AGPAT3: variants seen among roughly 807,000 people sequenced by gnomAD.
AGPAT3 encodes 1-acylglycerol-3-phosphate O-acyltransferase 3, also known as 1-acyl-sn-glycerol-3-phosphate acyltransferase gamma.
AGPAT3 carries 5 observed loss-of-function variants against 47.3 expected under a neutral mutation model. The ratio of observed to expected loss-of-function variants is 0.11; its 90% CI spans 0.06 to 0.22. The LOEUF is 0.22. Among genes scored for constraint, AGPAT3 ranks in the 10% least tolerant of loss-of-function variants. The probability of loss-of-function intolerance (pLI) is 1.00; values close to 1 mark genes in which losing one functional copy is unlikely to be tolerated. For synonymous variants in AGPAT3, 212 were observed against 208.3 expected, an observed-to-expected ratio of 1.02 and a Z score of -0.15; for missense variants, 315 against 493.0, an observed-to-expected ratio of 0.64 and a Z score of 3.42.
At chr21:43,971,103 G>A (rs896876618) in intron 6 of AGPAT3, among the ~76,000 whole-genome samples, 21 of 152,100 alleles carry the variant, frequency 1.4e-4, no homozygotes, top group African/African-American at 4.6e-4. Context: ...AAAAGAAAGG[G>A]ACAAAGAACA....
chr21:43,921,468 C>T (rs764028652), intron 2 of AGPAT3, among the ~76,000 whole-genome samples: 16 of 152,054 alleles, frequency 1.1e-4, no homozygotes, highest in African/African-American at 1.9e-4. Context: ...CATCCTGACC[C>T]GGTGGTCAGG....
At chr21:43,957,716 G>GTATCGGT in intron 2 of AGPAT3, among the ~76,000 whole-genome samples, 1 of 150,826 alleles carries the variant, frequency 6.6e-6, no homozygotes, top group Admixed American at 6.6e-5. Flanking sequence ...CCTCCACACG[G>GTATCGGT]GGGTCTCTGG....
intron 1 of AGPAT3, among the ~76,000 whole-genome samples, chr21:43,894,781 G>C (rs1169424506): frequency 6.6e-6 from 1 of 152,116 alleles, no homozygotes; most frequent in African/African-American, 2.4e-5. Context: ...TTAGGAATTT[G>C]TCCATTTAAC....
intron 2 of AGPAT3, among the ~76,000 whole-genome samples, chr21:43,907,642 G>T (rs559615712): frequency 2.0e-5 from 3 of 152,236 alleles, no homozygotes; most frequent in Admixed American, 2.0e-4. Context: ...GCGTGAACCC[G>T]GGAGGCGGAG....
At chr21:43,941,222 GT>G (rs1204381631) in intron 2 of AGPAT3, among the ~76,000 whole-genome samples, 1 of 152,184 alleles carries the variant, frequency 6.6e-6, no homozygotes, top group Non-Finnish European at 1.5e-5. Flanking sequence ...GACTGTGTTT[GT>G]TTTTCTTGGT....
Position 43,984,054 on chromosome 21 carries a change from C to G in AGPAT3, c.*1662C>G, listed in dbSNP as rs369115368. 1 of 152,270 alleles carries G rather than the reference C, an allele frequency of 6.6e-6. No individual in the cohort carries two copies. Among genetic ancestry groups the G allele is most frequent in the African/African-American group, 2.4e-5 (1 of 41,462 alleles). The allele number at this position is 152,270 out of a possible 1,614,324, so 9.4% of individuals were successfully genotyped here. On this transcript the variant is annotated 3_prime_UTR_variant, in exon 10 of 10. Transcript: ENST00000291572. ...GGGGGCCGTGCTCTCAGGGCGTGTG[C>G]GGGACGCCACCTGTGCACACCTGCT...
rs758738774 is a variant in AGPAT3, at chr21:43,930,461, G to T, written c.-49+26442G>T. 3.3e-5 allele frequency among the ~76,000 whole-genome samples: 5 copies of T among 152,142 alleles called. No individual in the cohort carries two copies. The highest frequency in any genetic ancestry group is 7.4e-5 in the Non-Finnish European group (5 of 68,016). ...GGGTTGCCCGTGCGACCTCAGCGTGGCCCATGGGACCTCGCTGTGGTGTGT... is the reference window on the plus strand; with the variant it reads ...GGGTTGCCCGTGCGACCTCAGCGTGTCCCATGGGACCTCGCTGTGGTGTGT... On this transcript the variant is annotated intron_variant, in intron 2 of 9. Coordinates refer to ENST00000291572, the MANE Select transcript of AGPAT3 (RefSeq NM_020132.5). This position sits in a 1 kb window ranked among gnomAD's most constrained non-coding sequence, Gnocchi z 5.0.
At chr21:43,959,190 C>CGTGTGTG (rs550343599) in intron 2 of AGPAT3, among the ~76,000 whole-genome samples, 8 of 92,688 alleles carry the variant, frequency 8.6e-5, no homozygotes, top group Non-Finnish European at 1.7e-4. Context: ...GTGTGTGTGG[C>CGTGTGTG]GTGTGTGGTG....
chr21:43,876,084 C>G (rs2085727102), intron 1 of AGPAT3, among the ~76,000 whole-genome samples: 1 of 152,042 alleles, frequency 6.6e-6, no homozygotes, highest in African/African-American at 2.4e-5. Context: ...CCCAGCCTAA[C>G]CTGTTCTTTT....
chr21:43,917,804 G>T (rs1461109315), intron 2 of AGPAT3, among the ~76,000 whole-genome samples: 23 of 120,096 alleles, frequency 1.9e-4, no homozygotes, highest in Non-Finnish European at 1.7e-4. Flanking sequence ...GTATTGTGGG[G>T]GTTGTGTTGT....
chr21:43,906,751 C>G (rs1601271810), intron 2 of AGPAT3, among the ~76,000 whole-genome samples: 1 of 152,246 alleles, frequency 6.6e-6, no homozygotes, highest in Non-Finnish European at 1.5e-5. Context: ...CCTGTGTGCC[C>G]TGCGGAGGTG....
intron 2 of AGPAT3, among the ~76,000 whole-genome samples, chr21:43,950,064 G>A (rs1323978128): frequency 6.6e-6 from 1 of 152,214 alleles, no homozygotes; most frequent in Admixed American, 6.5e-5. Context: ...AGGTGGTGGA[G>A]CCCCCAGAGC....
At chr21:43,975,603 G>A (rs189457172) in intron 7 of AGPAT3, among the ~76,000 whole-genome samples, 9 of 152,324 alleles carry the variant, frequency 5.9e-5, no homozygotes, top group Non-Finnish European at 1.0e-4. Flanking sequence ...TCACCCATGG[G>A]CCCCGCAGCT....
intron 2 of AGPAT3, among the ~76,000 whole-genome samples, chr21:43,938,316 C>CT (rs57776186): frequency 0.034 from 2,394 of 70,480 alleles, 91 homozygotes; most frequent in Non-Finnish European, 0.05. Context: ...ATCTGCAAAT[C>CT]TTTTTTTTTT....
chr21:43,901,007 T>G (rs2086336910), intron 1 of AGPAT3, among the ~76,000 whole-genome samples: 1 of 152,084 alleles, frequency 6.6e-6, no homozygotes, highest in Non-Finnish European at 1.5e-5. Flanking sequence ...AAATCAATGG[T>G]TGGAAACATC....
At chr21:43,980,064 C>T (rs549321644) in intron 8 of AGPAT3, among the ~76,000 whole-genome samples, 210 of 152,090 alleles carry the variant, frequency 1.4e-3, no homozygotes, top group African/African-American at 4.8e-3. Flanking sequence ...GGGTGGATCA[C>T]GAGATCAGGA....
At chr21:43,968,228 G>C (rs2089232353) in intron 4 of AGPAT3, 113 bp downstream of exon 4, 4 of 1,263,988 alleles carry the variant, frequency 3.2e-6, no homozygotes, top group Non-Finnish European at 4.3e-6. Flanking sequence ...TGCAGGGCTG[G>C]GGGTGGGGTG....
intron 2 of AGPAT3, among the ~76,000 whole-genome samples, chr21:43,921,419 G>A (rs1269819457): frequency 6.6e-6 from 1 of 152,210 alleles, no homozygotes; most frequent in African/African-American, 2.4e-5. Flanking sequence ...CCCCAGCTTA[G>A]CCGGGTGGTC....
In AGPAT3 at chr21:43,955,076, C is replaced by A; in HGVS notation, c.-48-4558C>A. ...GTGGCCCCCAAAGGCTGGGTGCCAG[C>A]TGCCTGTCGGCAGGGAGCGTATCAC... is the stretch of plus-strand genomic sequence containing the variant. On this transcript the variant is annotated intron_variant, in intron 2 of 9. Transcript: ENST00000291572. This position sits in a 1 kb window ranked among gnomAD's most constrained non-coding sequence, Gnocchi z 4.1. The A allele has an allele frequency of 1.6e-6, 2 of 1,245,556 alleles. No individual in the cohort carries two copies. Among genetic ancestry groups the A allele is most frequent in the Non-Finnish European group, 2.1e-6 (2 of 960,702 alleles). The allele number at this position is 1,245,556 out of a possible 1,614,324, so 77.2% of individuals were successfully genotyped here.
Sources: allele counts gnomAD v4.1 joint callset (sites outside exome capture counted in the v4.1 genomes callset), GRCh38; gene constraint gnomAD v4.1.1; non-coding constraint Gnocchi (gnomAD v3.1); transcripts MANE v1.5; gene names NCBI Gene and HGNC (gene_info 2026-07-23, HGNC 2026-07-21).